The following TXNL1 variants were observed in gnomAD, a reference collection of about 807,000 sequenced individuals.
The protein encoded by TXNL1 is thioredoxin like 1, also known as thioredoxin-like protein 1.
In TXNL1, 14 loss-of-function variants were observed where a neutral mutation model predicts 35.5. The ratio of observed to expected loss-of-function variants is 0.39; its 90% confidence interval spans 0.26 to 0.62. The LOEUF (loss-of-function observed/expected upper bound fraction) is 0.62. Ranked by LOEUF, TXNL1 falls within the 20% of genes least tolerant of loss-of-function variation. The probability of loss-of-function intolerance (pLI) is 0.47; values close to 1 mark genes in which losing one functional copy is unlikely to be tolerated. For synonymous variants in TXNL1, 110 were observed against 115.5 expected (o/e 0.95, Z 0.31); for missense variants, 263 against 349.7 (o/e 0.75, Z 1.98).
At position 56,613,695 on chromosome 18, in the gene TXNL1, T is replaced by C. The variant is rs371014752; in HGVS notation, c.735+729A>G. 5.3e-5 allele frequency among the ~76,000 whole-genome samples: 8 copies of C among 152,100 alleles called. No individual in the cohort carries two copies. The South Asian group carries it at 1.7e-3, about 32-fold the overall frequency. On this transcript the variant is annotated intron_variant, in intron 6 of 7. Transcript: ENST00000217515. ...TGGGTGAGGTGGCACGTGCCTGCGG[T>C]TGCAACTGCTCTGGAGGCTGAGGGA...
chr18:56,624,717 G>C (rs2024247354), intron 2 of TXNL1, among the ~76,000 whole-genome samples: 1 of 152,098 alleles, frequency 6.6e-6, no homozygotes, highest in Non-Finnish European at 1.5e-5. Flanking sequence ...ACATCATCCA[G>C]TAGAAAAATT....
chr18:56,626,133 T>A (rs2024274131), intron 2 of TXNL1: 1 of 1,190,638 alleles, frequency 8.4e-7, no homozygotes, highest in Non-Finnish European at 1.1e-6. Context: ...ATCGTATTAA[T>A]TTTATATCAG....
chr18:56,633,611 C>T (rs2024410302), intron 1 of TXNL1, among the ~76,000 whole-genome samples: 1 of 95,908 alleles, frequency 1.0e-5, no homozygotes, highest in Admixed American at 1.2e-4. Context: ...CAGAGCGAGA[C>T]CCTGTCTCAA....
chr18:56,635,296 G>A (rs540500), intron 1 of TXNL1, among the ~76,000 whole-genome samples: 151,900 of 152,268 alleles, frequency 1, 75,770 homozygotes, highest in Middle Eastern at 1. Flanking sequence ...AAGTAAGCAG[G>A]GATCCCCGCA....
At chr18:56,612,440 TAA>T (rs1212226007) in intron 6 of TXNL1, among the ~76,000 whole-genome samples, 2 of 152,130 alleles carry the variant, frequency 1.3e-5, no homozygotes, top group Admixed American at 6.5e-5. Flanking sequence ...CGATAAAAAC[TAA>T]AAGTTTTACT....
rs998856825 is a variant in TXNL1, at chr18:56,597,829, A to G, written c.*5198T>C. ...AATACCAAAAATGCAATTTAAGGCA[A>G]TGTACCCAAAACCATATTCATCTTC... On this transcript the variant is annotated 3_prime_UTR_variant, in exon 8 of 8. Coordinates refer to ENST00000217515, the MANE Select transcript of TXNL1 (RefSeq NM_004786.3). The G allele has an allele frequency of 4.6e-5, 7 of 152,244 alleles. No individual in the cohort carries two copies. Among genetic ancestry groups the G allele is most frequent in the Admixed American group, 1.3e-4 (2 of 15,282 alleles). 9.4% of individuals were successfully genotyped at this position (152,244 alleles called of 1,614,324 possible).
Position 56,634,941 on chromosome 18 carries a change from C to T in TXNL1, c.98+3402G>A, listed in dbSNP as rs539233869. 8.4e-4 allele frequency among the ~76,000 whole-genome samples: 128 copies of T among 152,242 alleles called. 1 individual carries two copies. The highest frequency in any genetic ancestry group is 4.4e-4 in the Non-Finnish European group (30 of 68,026). On this transcript the variant is annotated intron_variant, in intron 1 of 7. Coordinates refer to ENST00000217515, the MANE Select transcript of TXNL1 (RefSeq NM_004786.3). ...TATATAAAGAACTCCTGCAACTCAA[C>T]CCAAAAACAAACCACTCAATTCAAA...
At position 56,599,173 on chromosome 18, in the gene TXNL1, TAC is replaced by T. The variant is rs1443147503; in HGVS notation, c.*3852_*3853del. ...TCTCTTTATCTTATAGTTCTCTAAT[TAC>T]ACATTCTCCAACTAATAATTTTACA... On this transcript the variant is annotated 3_prime_UTR_variant, in exon 8 of 8. Coordinates refer to ENST00000217515, the MANE Select transcript of TXNL1 (RefSeq NM_004786.3). 5.3e-5 allele frequency: 8 copies of T among 152,142 alleles called. No homozygotes were observed. The highest frequency in any genetic ancestry group is 1.4e-4 in the African/African-American group (6 of 41,420). The allele number at this position is 152,142 out of a possible 1,614,324, so 9.4% of individuals were successfully genotyped here.
intron 6 of TXNL1, among the ~76,000 whole-genome samples, chr18:56,611,693 C>A (rs896244032): frequency 2.0e-5 from 3 of 151,648 alleles, no homozygotes; most frequent in Non-Finnish European, 4.4e-5. Context: ...ATTAAATTCT[C>A]TCTCTATATG....
chr18:56,608,634 T>C (rs2023940661), intron 7 of TXNL1: 1 of 152,176 alleles, frequency 6.6e-6, no homozygotes, highest in Non-Finnish European at 1.5e-5. Context: ...ACTCTTATTC[T>C]CTTCACAAGT....
chr18:56,635,238 A>ACAGAGCAAGACCCTGTCTCTCC (rs1222101104), intron 1 of TXNL1, among the ~76,000 whole-genome samples: 4 of 152,210 alleles, frequency 2.6e-5, no homozygotes, highest in Non-Finnish European at 5.9e-5. Context: ...AGCCTGGGCA[A>ACAGAGCAAGACCCTGTCTCTCC]CAGAGCAAGA....
At chr18:56,612,744 TGTTTTCATAGGCAGCCATA>T (rs1254973973) in intron 6 of TXNL1, among the ~76,000 whole-genome samples, 1 of 152,198 alleles carries the variant, frequency 6.6e-6, no homozygotes, top group African/African-American at 2.4e-5. Context: ...CAGTTTTTAT[TGTTTTCATAGGCAGCCATA>T]TGTTATTTCA....
At chr18:56,620,405 A>G (rs557141152) in intron 3 of TXNL1, among the ~76,000 whole-genome samples, 115 of 152,374 alleles carry the variant, frequency 7.5e-4, no homozygotes, top group African/African-American at 2.6e-3. Context: ...CAGTTCAAAA[A>G]TAAATTTAAA....
intron 7 of TXNL1, 158 bp downstream of exon 7, chr18:56,610,834 TA>T: frequency 2.1e-6 from 1 of 484,238 alleles, no homozygotes; most frequent in Non-Finnish European, 3.6e-6. Context: ...AAAATATAGT[TA>T]GGGGAACTTT....
chr18:56,623,575 G>A (rs1430272159), intron 3 of TXNL1, among the ~76,000 whole-genome samples: 2 of 151,996 alleles, frequency 1.3e-5, no homozygotes, highest in African/African-American at 2.4e-5. Flanking sequence ...ATTTGTATAA[G>A]CAAATCTAAT....
Position 56,626,450 on chromosome 18 carries a change from G to A in TXNL1, c.106C>T (p.Pro36Ser). The A allele has an allele frequency of 1.2e-6, 2 of 1,603,708 alleles. No individual in the cohort carries two copies. Among genetic ancestry groups the A allele is most frequent in the East Asian group, 2.2e-5 (1 of 44,782 alleles). The change falls in exon 2 of 8, where the codon CCA (proline) becomes TCA (serine). Residue 36 changes from proline (P) to serine (S), a missense_variant. By Grantham distance (74) the Pro-to-Ser change is moderately conservative (BLOSUM62 -1). Coordinates refer to ENST00000217515, the MANE Select transcript of TXNL1 (RefSeq NM_004786.3). ...AATGCTGGGGCAATCCTCAAACATG[G>A]CCCACACCTGTTAGAAAAGGAAAAT... Reference protein sequence around the residue: ...VVKFTMRGCGPCLRIAPAFSS... With the variant: ...VVKFTMRGCGSCLRIAPAFSS...
rs528497032 is a variant in TXNL1, at chr18:56,599,029, A to G, written c.*3998T>C. 6.6e-5 allele frequency: 10 copies of G among 152,330 alleles called. No homozygotes were observed. Among genetic ancestry groups the G allele is most frequent in the African/African-American group, 2.4e-4 (10 of 41,582 alleles). The allele number at this position is 152,330 out of a possible 1,614,324, so 9.4% of individuals were successfully genotyped here. A position where few individuals can be genotyped will look rare whatever the true frequency, so the allele number is the denominator to read the frequency against. On this transcript the variant is annotated 3_prime_UTR_variant, in exon 8 of 8. Transcript: ENST00000217515. Reference sequence around the variant, plus strand: ...ATTCCAAAATAAAATTCCTCTTCCCATAGAGAAGCATAGCAAGCACGAAGG... The same window carrying G: ...ATTCCAAAATAAAATTCCTCTTCCCGTAGAGAAGCATAGCAAGCACGAAGG...
intron 3 of TXNL1, among the ~76,000 whole-genome samples, chr18:56,619,984 T>G (rs929186876): frequency 2.0e-5 from 3 of 151,830 alleles, no homozygotes; most frequent in Non-Finnish European, 2.9e-5. Flanking sequence ...TATTATTATT[T>G]TTTTGAGACA....
intron 6 of TXNL1, among the ~76,000 whole-genome samples, chr18:56,613,137 G>A (rs1346395508): frequency 6.6e-6 from 1 of 152,082 alleles, no homozygotes; most frequent in Non-Finnish European, 1.5e-5. Context: ...ACAACACCCA[G>A]CCAATTATAA....
Sources: gnomAD v4.1 joint callset for allele counts (sites outside exome capture counted in the v4.1 genomes callset) on GRCh38, gnomAD v4.1.1 for gene constraint, MANE v1.5 for transcripts, NCBI Gene and HGNC (gene_info 2026-07-23, HGNC 2026-07-21) for gene names.